CHAT: variants seen among roughly 807,000 people sequenced by gnomAD.
CHAT encodes the protein acetyl CoA:choline O-acetyltransferase.
CHAT carries 61 observed loss-of-function variants against 76.9 expected under a neutral mutation model. The observed-to-expected ratio is 0.79, with a 90% CI of 0.65 to 0.98. The LOEUF (loss-of-function observed/expected upper bound fraction) is 0.98, where lower values mean the gene tolerates loss of function less well. CHAT is among the 50% of genes least tolerant of loss of function. CHAT has a pLI of 0.00. For synonymous variants in CHAT, 407 were observed against 397.4 expected (o/e 1.02, Z -0.29); for missense variants, 946 against 986.9 (o/e 0.96, Z 0.56).
intron 10 of CHAT, among the ~76,000 whole-genome samples, chr10:49,651,483 G>A (rs1226669723): frequency 6.6e-6 from 1 of 152,182 alleles, no homozygotes; most frequent in African/African-American, 2.4e-5. Context: ...TCAATATGAG[G>A]GTCAGCCAGT....
At position 49,654,880 on chromosome 10, in the gene CHAT, G is replaced by A. The variant is rs996075825; in HGVS notation, c.1635-215G>A. On this transcript the variant is annotated intron_variant, in intron 11 of 14. Transcript: ENST00000337653. ...TATTTTATGTCAGTGCAGCATCCCC[G>A]GGTGTATATAAGCAAACGTGGCTCT... Among the ~76,000 whole-genome samples, 3 of 152,086 alleles carry A rather than the reference G, an allele frequency of 2.0e-5. No individual in the cohort carries two copies. In the South Asian group the frequency reaches 6.2e-4, roughly 32 times the overall value.
chr10:49,627,523 C>T (rs1838964054), intron 6 of CHAT, 85 bp from the exon 7 acceptor site: 1 of 1,408,160 alleles, frequency 7.1e-7, no homozygotes, highest in African/African-American at 1.4e-5. Flanking sequence ...GCATCCCTGC[C>T]CCAAGCTTAC....
chr10:49,644,219 T>C (rs1217477160), intron 7 of CHAT, among the ~76,000 whole-genome samples: 1 of 152,028 alleles, frequency 6.6e-6, no homozygotes, highest in East Asian at 1.9e-4. Flanking sequence ...GCCTGCGTGA[T>C]GATGAGGAGA....
chr10:49,612,070 C>G, upstream of CHAT: 1 of 1,613,552 alleles, frequency 6.2e-7, no homozygotes, highest in Non-Finnish European at 8.5e-7. Flanking sequence ...CCACATTGTG[C>G]ACTCGCTGGG....
chr10:49,627,868 G>A (rs1470462956), intron 7 of CHAT, 83 bp downstream of exon 7: 10 of 1,473,286 alleles, frequency 6.8e-6, no homozygotes, highest in Non-Finnish European at 9.2e-6. Context: ...TTGGGCCAGG[G>A]CCTCATCCCC....
upstream of CHAT, among the ~76,000 whole-genome samples, chr10:49,609,786 C>G (rs1838240595): frequency 3.3e-5 from 5 of 152,098 alleles, no homozygotes; most frequent in African/African-American, 9.7e-5. Flanking sequence ...TGGGGGTGTC[C>G]GTGTCCAGCG....
Position 49,614,075 on chromosome 10 carries a change from T to G in CHAT, c.-115T>G. On this transcript the variant is annotated 5_prime_UTR_variant, in exon 1 of 15. Coordinates refer to ENST00000337653, the MANE Select transcript of CHAT (RefSeq NM_020549.5). Reference sequence around the variant, plus strand: ...GGGGCAGGAGGCATGGGCGGGACAGTGTTCTGTGCCCCCTTCTAGAGCCTA... The same window carrying G: ...GGGGCAGGAGGCATGGGCGGGACAGGGTTCTGTGCCCCCTTCTAGAGCCTA... The G allele has an allele frequency of 6.5e-7, 1 of 1,526,790 alleles. No individual in the cohort carries two copies. Among genetic ancestry groups the G allele is most frequent in the Non-Finnish European group, 8.8e-7 (1 of 1,135,702 alleles). The allele number at this position is 1,526,790 out of a possible 1,614,324, so 94.6% of individuals were successfully genotyped here. A position where few individuals can be genotyped will look rare whatever the true frequency, so the allele number is the denominator to read the frequency against.
chr10:49,637,166 T>C (rs1442714677), intron 7 of CHAT, among the ~76,000 whole-genome samples: 1 of 152,154 alleles, frequency 6.6e-6, no homozygotes, highest in African/African-American at 2.4e-5. Flanking sequence ...TCCTTCATCT[T>C]GCTTGCTTTG....
intron 11 of CHAT, among the ~76,000 whole-genome samples, chr10:49,653,476 G>C (rs1839942986): frequency 6.6e-6 from 1 of 152,200 alleles, no homozygotes; most frequent in African/African-American, 2.4e-5. Flanking sequence ...TTACCCTGCA[G>C]TAAAGCTAGG....
chr10:49,615,947 A>G, intron 1 of CHAT: 1 of 1,284,448 alleles, frequency 7.8e-7, no homozygotes, highest in South Asian at 1.2e-5. Context: ...CAATTAGCCC[A>G]GATGCATCCT....
chr10:49,644,364 G>A (rs1371661956), intron 7 of CHAT, among the ~76,000 whole-genome samples: 2 of 152,216 alleles, frequency 1.3e-5, no homozygotes, highest in Non-Finnish European at 2.9e-5. Context: ...GTGGGCGGTA[G>A]AAGCTGTTTC....
At chr10:49,629,032 G>T (rs939006539) in intron 7 of CHAT, among the ~76,000 whole-genome samples, 2 of 152,262 alleles carry the variant, frequency 1.3e-5, no homozygotes. Flanking sequence ...GCCTGCCTTG[G>T]GCATCCTTCC....
intron 6 of CHAT, among the ~76,000 whole-genome samples, chr10:49,626,842 A>G (rs773291966): frequency 1.3e-5 from 2 of 152,280 alleles, no homozygotes; most frequent in Non-Finnish European, 2.9e-5. Flanking sequence ...CTTCAAAGCT[A>G]CAAAATGACA....
At chr10:49,658,824 T>C (rs1840108341) in intron 13 of CHAT, among the ~76,000 whole-genome samples, 2 of 152,216 alleles carry the variant, frequency 1.3e-5, no homozygotes, top group African/African-American at 4.8e-5. Context: ...TACATCTATA[T>C]ATGATAGGAA....
upstream of CHAT, chr10:49,610,973 G>T (rs552847289): frequency 6.2e-7 from 1 of 1,611,568 alleles, no homozygotes; most frequent in African/African-American, 1.3e-5. Flanking sequence ...CCCGAGGTGT[G>T]GGAGCCCACC....
rs539522902 is a variant in CHAT, at chr10:49,637,939, G to A, written c.1112-8566G>A. On this transcript the variant is annotated intron_variant, in intron 7 of 14. Transcript: ENST00000337653. Reference sequence around the variant, plus strand: ...GTATAGTCTATCTTGGCATATGTTCGATGGGTATTTGAAGAGAATGATTGA... The same window carrying A: ...GTATAGTCTATCTTGGCATATGTTCAATGGGTATTTGAAGAGAATGATTGA... 9.2e-5 allele frequency among the ~76,000 whole-genome samples: 14 copies of A among 152,210 alleles called. No individual in the cohort carries two copies. The East Asian group carries it at 1.9e-3, about 21-fold the overall frequency.
chr10:49,662,584 G>A, intron 13 of CHAT, 61 bp from the exon 14 acceptor site: 3 of 1,605,076 alleles, frequency 1.9e-6, no homozygotes, highest in South Asian at 2.2e-5. Flanking sequence ...TACAGAGCAG[G>A]GAACAAGGAG....
chr10:49,644,671 G>A (rs868206125), intron 7 of CHAT, among the ~76,000 whole-genome samples: 2 of 152,206 alleles, frequency 1.3e-5, no homozygotes, highest in African/African-American at 4.8e-5. Flanking sequence ...AGAGTAGAAG[G>A]TCTGCTGTGG....
At chr10:49,611,781 C>T, upstream of CHAT, 1 of 1,603,014 alleles carries the variant, frequency 6.2e-7, no homozygotes. Context: ...TCACCGTGCG[C>T]CTGGCGGCGC....
Sources: allele counts gnomAD v4.1 joint callset (sites outside exome capture counted in the v4.1 genomes callset), GRCh38; gene constraint gnomAD v4.1.1; transcripts MANE v1.5; gene names NCBI Gene and HGNC (gene_info 2026-07-23, HGNC 2026-07-21).